Variants in RDX observed in about 807,000 individuals in gnomAD.
RDX encodes radixin.
Under a neutral mutation model 83.7 loss-of-function variants are expected in RDX, and 32 were observed. The observed-to-expected ratio is 0.38, with a 90% CI of 0.29 to 0.51. The LOEUF (loss-of-function observed/expected upper bound fraction) is 0.51. Ranked by LOEUF, RDX falls within the 20% of genes least tolerant of loss-of-function variation. The pLI, the probability that RDX is intolerant of heterozygous loss-of-function variation, is 0.87. For missense variants in RDX, 600 were observed against 689.9 expected (o/e 0.87, Z 1.46); for synonymous variants, 229 against 222.7 (o/e 1.03, Z -0.25).
chr11:110,269,769 G>A (rs1018917428), intron 3 of RDX, among the ~76,000 whole-genome samples: 2 of 152,160 alleles, frequency 1.3e-5, no homozygotes, highest in Non-Finnish European at 2.9e-5. Context: ...GCTGGACGGT[G>A]GCTCACGCCT....
At chr11:110,223,025 A>AT (rs1864305684) in intron 14 of RDX, among the ~76,000 whole-genome samples, 2 of 152,296 alleles carry the variant, frequency 1.3e-5, no homozygotes, top group South Asian at 2.1e-4. Context: ...ATGAACGATT[A>AT]TATGTCCTTC....
Position 110,245,887 on chromosome 11 carries a change from G to A in RDX, c.1090+1816C>T, listed in dbSNP as rs566835905. Reference sequence around the variant, plus strand: ...TCTGTGGTTTATCTTCTTGAAGATGGAATTCACTTTGATATTTGCTGGGAC... The same window carrying A: ...TCTGTGGTTTATCTTCTTGAAGATGAAATTCACTTTGATATTTGCTGGGAC... On this transcript the variant is annotated intron_variant, in intron 10 of 13. Coordinates refer to ENST00000645495, the MANE Select transcript of RDX (RefSeq NM_002906.4). 2.0e-5 allele frequency among the ~76,000 whole-genome samples: 3 copies of A among 152,272 alleles called. No homozygotes were observed. The South Asian group carries it at 6.2e-4, about 32-fold the overall frequency.
chr11:110,260,228 C>T (rs753439918), intron 5 of RDX, among the ~76,000 whole-genome samples: 4 of 152,088 alleles, frequency 2.6e-5, no homozygotes, highest in Non-Finnish European at 4.4e-5. Flanking sequence ...TCAGGTGATC[C>T]GCCCACCTCG....
intron 14 of RDX, among the ~76,000 whole-genome samples, chr11:110,221,414 A>G (rs964976302): frequency 6.6e-6 from 1 of 152,130 alleles, no homozygotes; most frequent in Non-Finnish European, 1.5e-5. Context: ...GCTGGCCAAC[A>G]TGGTGAAACC....
chr11:110,236,653 T>C, intron 11 of RDX: 1 of 165,926 alleles, frequency 6.0e-6, no homozygotes, highest in Non-Finnish European at 1.3e-5. Flanking sequence ...CAGAGTCTCG[T>C]TCTGTCACCC....
chr11:110,273,335 T>C (rs1860376481), intron 2 of RDX, among the ~76,000 whole-genome samples: 1 of 152,396 alleles, frequency 6.6e-6, no homozygotes, highest in South Asian at 2.1e-4. Context: ...TTCATTTTAT[T>C]CATACTGTAA....
chr11:110,184,895 A>G (rs543506285), intron 15 of RDX, among the ~76,000 whole-genome samples: 18 of 152,320 alleles, frequency 1.2e-4, no homozygotes, highest in African/African-American at 4.3e-4. Context: ...AGAGTTTGAG[A>G]CGGTGCTGAC....
intron 3 of RDX, among the ~76,000 whole-genome samples, chr11:110,271,331 T>C (rs1860303853): frequency 6.6e-6 from 1 of 152,212 alleles, no homozygotes; most frequent in South Asian, 2.1e-4. Flanking sequence ...TCTTTCCTTC[T>C]TTAAGATCAA....
chr11:110,212,021 C>G (rs1463230546), intron 14 of RDX, among the ~76,000 whole-genome samples: 6 of 140,996 alleles, frequency 4.3e-5, no homozygotes, highest in Non-Finnish European at 7.7e-5. Context: ...ACAAAAAACC[C>G]TTCAAAAAAT....
chr11:110,279,726 TCTC>T lies in RDX; in HGVS notation c.-37_-35del, dbSNP rs1860673925. On this transcript the variant is annotated 5_prime_UTR_variant, in exon 2 of 14. Transcript: ENST00000645495. ...TCTTTTTGTTACCTTCTTTAAAAAT[TCTC>T]CACTTCAATGAATTCTGTTATCACT... 1.4e-6 allele frequency: 2 copies of T among 1,448,386 alleles called. No individual in the cohort carries two copies. Among genetic ancestry groups the T allele is most frequent in the Non-Finnish European group, 1.9e-6 (2 of 1,033,734 alleles). 89.7% of individuals were successfully genotyped at this position (1,448,386 alleles called of 1,614,324 possible).
chr11:110,244,558 G>C (rs1171884338), intron 10 of RDX, among the ~76,000 whole-genome samples: 1 of 152,056 alleles, frequency 6.6e-6, no homozygotes, highest in Non-Finnish European at 1.5e-5. Context: ...GCAGAGAGAA[G>C]GGGTACTGAG....
chr11:110,223,076 C>G (rs1409886051), intron 14 of RDX, among the ~76,000 whole-genome samples: 1 of 152,100 alleles, frequency 6.6e-6, no homozygotes, highest in South Asian at 2.1e-4. Context: ...TTAGGCTGGG[C>G]ACGGTGGCTC....
chr11:110,232,473 C>G (rs1864678658), intron 13 of RDX, among the ~76,000 whole-genome samples: 1 of 152,022 alleles, frequency 6.6e-6, no homozygotes, highest in Non-Finnish European at 1.5e-5. Context: ...AAAAAGAAAG[C>G]TCATAATATT....
downstream of RDX, among the ~76,000 whole-genome samples, chr11:110,228,414 C>G (rs192481086): frequency 6.6e-6 from 1 of 152,042 alleles, no homozygotes; most frequent in Non-Finnish European, 1.5e-5. Flanking sequence ...AAGTTCTGTT[C>G]ATTTAGAACA....
intron 2 of RDX, among the ~76,000 whole-genome samples, chr11:110,276,247 T>G (rs1220103362): frequency 1.3e-5 from 2 of 152,180 alleles, no homozygotes; most frequent in South Asian, 2.1e-4. Context: ...AATACAGGGT[T>G]TTTTTTTAAT....
chr11:110,265,644 T>G (rs1318002924), intron 3 of RDX, among the ~76,000 whole-genome samples: 1 of 152,200 alleles, frequency 6.6e-6, no homozygotes, highest in African/African-American at 2.4e-5. Context: ...CTACCTTCAC[T>G]GAGCAAGAAA....
intron 10 of RDX, among the ~76,000 whole-genome samples, chr11:110,243,718 A>G (rs1865190835): frequency 6.6e-6 from 1 of 152,062 alleles, no homozygotes; most frequent in Non-Finnish European, 1.5e-5. Context: ...ACCTTGTCTC[A>G]GGAAAAAAAA....
intron 15 of RDX, among the ~76,000 whole-genome samples, chr11:110,178,814 A>C (rs934660457): frequency 6.6e-6 from 1 of 152,184 alleles, no homozygotes; most frequent in Non-Finnish European, 1.5e-5. Context: ...TTTACAGATT[A>C]TAAAGAGGGA....
chr11:110,292,332 C>T (rs1226849945), intron 1 of RDX, among the ~76,000 whole-genome samples: 4 of 151,560 alleles, frequency 2.6e-5, no homozygotes, highest in Admixed American at 6.6e-5. Flanking sequence ...TGGTGGCACA[C>T]GCCTGTGTTG....
Sources: allele counts gnomAD v4.1 joint callset (sites outside exome capture counted in the v4.1 genomes callset), GRCh38; gene constraint gnomAD v4.1.1; transcripts MANE v1.5; gene names NCBI Gene and HGNC (gene_info 2026-07-23, HGNC 2026-07-21).